Variants in CYFIP1 observed in about 807,000 individuals in gnomAD.
The protein encoded by CYFIP1 is cytoplasmic FMR1 interacting protein 1.
CYFIP1 carries 58 observed loss-of-function variants against 163.5 expected under a neutral mutation model. The observed-to-expected ratio is 0.35, with a 90% confidence interval of 0.29 to 0.44. CYFIP1 has a LOEUF of 0.44. Ranked by LOEUF, CYFIP1 falls within the 20% of genes least tolerant of loss-of-function variation. The pLI is 1.00. For synonymous variants in CYFIP1, 663 were observed against 660.7 expected (o/e 1.00, Z -0.05); for missense variants, 1,338 against 1,653.8 (o/e 0.81, Z 3.31).
Position 22,916,508 on chromosome 15 carries a change from T to C in CYFIP1, c.1797A>G (p.Ser599=). The C allele has an allele frequency of 3.1e-6, 5 of 1,613,630 alleles. No individual in the cohort carries two copies. Among genetic ancestry groups the C allele is most frequent in the Non-Finnish European group, 3.4e-6 (4 of 1,179,692 alleles). Residue 599 remains serine, a synonymous_variant, in exon 16 of 31, where the codon TCA becomes TCG. Transcript: ENST00000617928. ...ILDIEKFHRE[S]FFYTHLINFS... Reference sequence around the variant, plus strand: ...AATTTATCAAGTGAGTGTAGAAGAATGACTCTCGATGAAATTTTTCTATGT... The same window carrying C: ...AATTTATCAAGTGAGTGTAGAAGAACGACTCTCGATGAAATTTTTCTATGT...
intron 1 of CYFIP1, among the ~76,000 whole-genome samples, chr15:22,976,790 T>C: frequency 6.6e-6 from 1 of 152,328 alleles, no homozygotes; most frequent in East Asian, 1.9e-4. Flanking sequence ...AGGCTTCCAT[T>C]GGAACGTATC....
At chr15:22,942,452 G>A (rs1009601513) in intron 6 of CYFIP1, among the ~76,000 whole-genome samples, 3 of 151,894 alleles carry the variant, frequency 2.0e-5, no homozygotes, top group African/African-American at 4.8e-5. Context: ...GTCACCAAAC[G>A]CCGGTCGGCA....
chr15:22,871,463 T>C (rs1225848013), intron 30 of CYFIP1, among the ~76,000 whole-genome samples: 1 of 152,138 alleles, frequency 6.6e-6, no homozygotes, highest in Non-Finnish European at 1.5e-5. Context: ...CTAAGACACA[T>C]GAATACAGTA....
At chr15:22,901,287 C>T (rs535093218) in intron 22 of CYFIP1, among the ~76,000 whole-genome samples, 3 of 152,054 alleles carry the variant, frequency 2.0e-5, no homozygotes, top group South Asian at 2.1e-4. Flanking sequence ...CAGGAATCGT[C>T]GACAGATGTT....
At chr15:22,890,612 A>G (rs2060051352) in intron 23 of CYFIP1, among the ~76,000 whole-genome samples, 1 of 152,188 alleles carries the variant, frequency 6.6e-6, no homozygotes. Flanking sequence ...ACAGTTCCAC[A>G]GCCATTAGGA....
At chr15:22,919,065 T>C (rs1460507537) in intron 13 of CYFIP1, among the ~76,000 whole-genome samples, 1 of 152,130 alleles carries the variant, frequency 6.6e-6, no homozygotes, top group African/African-American at 2.4e-5. Context: ...CATCAGACCA[T>C]GAGCACCTGG....
In CYFIP1 at chr15:22,917,296, C is replaced by T. The variant is rs548155981; in HGVS notation, c.1674+492G>A. 17 of 1,350,110 alleles carry T rather than the reference C, an allele frequency of 1.3e-5. No homozygotes were observed. The highest frequency in any genetic ancestry group is 7.3e-5 in the African/African-American group (5 of 68,168). The allele number at this position is 1,350,110 out of a possible 1,614,324, so 83.6% of individuals were successfully genotyped here. ...GCCCCAGGACGGAGGACAGACGCAG[C>T]GGTGTGGATTAAACCGGGTGTGAAA... On this transcript the variant is annotated intron_variant, in intron 15 of 30. Transcript: ENST00000617928. The surrounding 1 kb of genome is among the most constrained non-coding windows in gnomAD (Gnocchi z 4.2).
At chr15:22,891,151 G>A (rs1413081705) in intron 23 of CYFIP1, among the ~76,000 whole-genome samples, 3 of 152,206 alleles carry the variant, frequency 2.0e-5, no homozygotes, top group South Asian at 4.1e-4. Context: ...ATGGCCAGGC[G>A]CAGTGGCTCA....
intron 10 of CYFIP1, 32 bp from the exon 11 acceptor site, chr15:22,932,372 C>T (rs1202709829): frequency 2.0e-5 from 30 of 1,494,076 alleles, no homozygotes; most frequent in African/African-American, 1.7e-4. Context: ...GCGTTACCTG[C>T]GGAGGCGCCG....
intron 1 of CYFIP1, among the ~76,000 whole-genome samples, chr15:22,956,404 A>G (rs1356135063): frequency 1.3e-5 from 2 of 152,178 alleles, no homozygotes; most frequent in Admixed American, 6.5e-5. Context: ...AATGGAAATT[A>G]AAGCAGCCAA....
chr15:22,894,908 T>C (rs1185383522), intron 22 of CYFIP1, among the ~76,000 whole-genome samples: 1 of 147,488 alleles, frequency 6.8e-6, no homozygotes, highest in Admixed American at 6.8e-5. Context: ...CACACTGGAG[T>C]GCAGTGGTGT....
At chr15:22,910,450 G>C (rs1323593392) in intron 20 of CYFIP1, 70 bp downstream of exon 20, 9 of 1,318,700 alleles carry the variant, frequency 6.8e-6, no homozygotes, top group Non-Finnish European at 8.6e-6. Context: ...GTGAGCCACC[G>C]CACCCAGCCG....
chr15:22,902,516 T>C (rs2060428718), intron 22 of CYFIP1, among the ~76,000 whole-genome samples: 1 of 152,252 alleles, frequency 6.6e-6, no homozygotes, highest in Non-Finnish European at 1.5e-5. Context: ...CATTTTTCTA[T>C]AATTTTGATA....
chr15:22,979,900 C>G (rs1307617341), intron 1 of CYFIP1, among the ~76,000 whole-genome samples: 1 of 152,192 alleles, frequency 6.6e-6, no homozygotes, highest in African/African-American at 2.4e-5. Context: ...ACAAAAACGT[C>G]AAACACTAAG....
chr15:22,911,763 T>C (rs978022028), intron 18 of CYFIP1, among the ~76,000 whole-genome samples: 3 of 152,198 alleles, frequency 2.0e-5, no homozygotes, highest in African/African-American at 7.2e-5. Context: ...GTTCATCTCC[T>C]TAAATGTGCA....
intron 23 of CYFIP1, among the ~76,000 whole-genome samples, chr15:22,890,466 C>T (rs143181140): frequency 1.2e-3 from 179 of 152,312 alleles, no homozygotes; most frequent in Non-Finnish European, 2.0e-3. Flanking sequence ...CCTGCCCAGG[C>T]GTGCACCCCA....
At chr15:22,932,059 A>AC (rs1296562507) in intron 11 of CYFIP1, among the ~76,000 whole-genome samples, 164 bp downstream of exon 11, 1 of 152,336 alleles carries the variant, frequency 6.6e-6, no homozygotes, top group East Asian at 1.9e-4. Flanking sequence ...ACAATGATGA[A>AC]ACTGCCTAAT....
intron 22 of CYFIP1, among the ~76,000 whole-genome samples, chr15:22,896,300 A>G (rs1451697371): frequency 2.0e-5 from 3 of 152,122 alleles, no homozygotes; most frequent in Non-Finnish European, 4.4e-5. Flanking sequence ...TGCTAGGCCC[A>G]ACAGTGGCTC....
At position 22,868,459 on chromosome 15, in the gene CYFIP1, G is replaced by GTAA. The variant is rs1555392762; in HGVS notation, c.*1566_*1568dup. 2 of 151,584 alleles carry GTAA rather than the reference G, an allele frequency of 1.3e-5. No individual in the cohort carries two copies. The highest frequency in any genetic ancestry group is 2.1e-4 in the South Asian group (1 of 4,828). 9.4% of individuals were successfully genotyped at this position (151,584 alleles called of 1,614,324 possible). On this transcript the variant is annotated 3_prime_UTR_variant, in exon 31 of 31. Coordinates refer to ENST00000617928, the MANE Select transcript of CYFIP1 (RefSeq NM_014608.6). ...ATATAATTAAGCCTTATAAAACTTG[G>GTAA]TAATTGATTAAGTTTTACCATAATT...
Sources: allele counts gnomAD v4.1 joint callset (sites outside exome capture counted in the v4.1 genomes callset), GRCh38; gene constraint gnomAD v4.1.1; non-coding constraint Gnocchi (gnomAD v3.1); transcripts MANE v1.5; gene names NCBI Gene and HGNC (gene_info 2026-07-23, HGNC 2026-07-21).